The following PGCKA1 variants were observed in gnomAD, a reference collection of about 807,000 sequenced individuals.
PGCKA1 encodes PDCD10 and GCKIII kinases associated 1, also known as PDCD10 and GCKIII kinases-associated protein 1.
At chr4:37,453,287 A>G in the PGCKA1 span, among the ~76,000 whole-genome samples, 3 of 152,058 alleles carry the variant, frequency 2.0e-5, no homozygotes, top group African/African-American at 7.2e-5. Flanking sequence ...ATGCCCTAAG[A>G]CCTCAGGAAA....
chr4:37,577,960 A>C, the PGCKA1 span, among the ~76,000 whole-genome samples: 4 of 152,126 alleles, frequency 2.6e-5, no homozygotes, highest in Non-Finnish European at 5.9e-5. Flanking sequence ...TTGTTTTGTG[A>C]CCTAACATAT....
the PGCKA1 span, among the ~76,000 whole-genome samples, chr4:37,454,359 G>T: frequency 1.3e-5 from 2 of 152,142 alleles, no homozygotes; most frequent in Non-Finnish European, 2.9e-5. Flanking sequence ...AAACATTTTT[G>T]CTTTTAAATC....
At chr4:37,509,226 GGGGCTCCTC>G in the PGCKA1 span, among the ~76,000 whole-genome samples, 1 of 131,864 alleles carries the variant, frequency 7.6e-6, no homozygotes, top group Non-Finnish European at 1.6e-5. Context: ...GCCAGGCAGA[GGGGCTCCTC>G]ACTTCCCAGA....
At chr4:37,501,948 G>T in the PGCKA1 span, among the ~76,000 whole-genome samples, 1 of 152,140 alleles carries the variant, frequency 6.6e-6, no homozygotes, top group Admixed American at 6.5e-5. Context: ...TGTGGTATAA[G>T]GTAGGTTTAG....
At chr4:37,544,176 T>C in the PGCKA1 span, among the ~76,000 whole-genome samples, 1 of 152,196 alleles carries the variant, frequency 6.6e-6, no homozygotes. Context: ...TATTTGTGTG[T>C]ATATATGTTT....
At chr4:37,579,514 A>G in the PGCKA1 span, among the ~76,000 whole-genome samples, 1 of 152,218 alleles carries the variant, frequency 6.6e-6, no homozygotes, top group Non-Finnish European at 1.5e-5. Flanking sequence ...TCATGTTTGA[A>G]GACTATTTTT....
At chr4:37,489,469 CTTAA>C in the PGCKA1 span, among the ~76,000 whole-genome samples, 1 of 152,068 alleles carries the variant, frequency 6.6e-6, no homozygotes, top group South Asian at 2.1e-4. Context: ...TGATAGTCTT[CTTAA>C]TTAATTTTTC....
chr4:37,515,026 G>A, the PGCKA1 span, among the ~76,000 whole-genome samples: 1 of 152,290 alleles, frequency 6.6e-6, no homozygotes, highest in East Asian at 1.9e-4. Context: ...TGGACTGAAT[G>A]TTTATGTCTC....
the PGCKA1 span, among the ~76,000 whole-genome samples, chr4:37,586,168 C>T: frequency 6.9e-4 from 105 of 152,132 alleles, no homozygotes; most frequent in African/African-American, 2.4e-3. Context: ...TTATCCCCAT[C>T]TACAGGCCAA....
the PGCKA1 span, among the ~76,000 whole-genome samples, chr4:37,524,357 T>A: frequency 6.6e-6 from 1 of 152,156 alleles, no homozygotes; most frequent in South Asian, 2.1e-4. Flanking sequence ...GATTAGACTG[T>A]GGCCTTAGTC....
chr4:37,590,910 G>A, the PGCKA1 span: 1 of 1,614,244 alleles, frequency 6.2e-7, no homozygotes, highest in Non-Finnish European at 8.5e-7. Flanking sequence ...ATGGGGATGG[G>A]GAGATTGTGG....
chr4:37,529,507 T>C, the PGCKA1 span, among the ~76,000 whole-genome samples: 97 of 152,346 alleles, frequency 6.4e-4, 1 homozygote, highest in African/African-American at 2.2e-3. Context: ...ACTTATCAAT[T>C]AACCCTTGGT....
At chr4:37,454,886 C>T in the PGCKA1 span, among the ~76,000 whole-genome samples, 2 of 152,196 alleles carry the variant, frequency 1.3e-5, no homozygotes, top group African/African-American at 4.8e-5. Context: ...CTTTCCATGG[C>T]AGCATAGATA....
the PGCKA1 span, among the ~76,000 whole-genome samples, chr4:37,552,271 C>T: frequency 6.6e-6 from 1 of 152,196 alleles, no homozygotes; most frequent in African/African-American, 2.4e-5. Flanking sequence ...TATCATGTAT[C>T]CCCTAGATTG....
the PGCKA1 span, among the ~76,000 whole-genome samples, chr4:37,555,238 C>G: frequency 6.6e-6 from 1 of 152,198 alleles, no homozygotes; most frequent in East Asian, 1.9e-4. Flanking sequence ...CCCTTTCATA[C>G]TCTCAGTGCT....
At chr4:37,562,939 CT>C in the PGCKA1 span, among the ~76,000 whole-genome samples, 1 of 152,144 alleles carries the variant, frequency 6.6e-6, no homozygotes, top group Non-Finnish European at 1.5e-5. Flanking sequence ...TGTCTTACCC[CT>C]AGTAGGGGGG....
chr4:37,565,826 A>G, the PGCKA1 span, among the ~76,000 whole-genome samples: 1 of 152,136 alleles, frequency 6.6e-6, no homozygotes, highest in Non-Finnish European at 1.5e-5. Context: ...GGAGATTAAC[A>G]TTTGAGTCAG....
chr4:37,589,139 G>A, the PGCKA1 span, among the ~76,000 whole-genome samples: 1 of 152,160 alleles, frequency 6.6e-6, no homozygotes, highest in Admixed American at 6.6e-5. Context: ...TTCTGAGGCT[G>A]AATTTGGTCT....
chr4:37,522,393 C>G, the PGCKA1 span, among the ~76,000 whole-genome samples: 1 of 152,092 alleles, frequency 6.6e-6, no homozygotes, highest in African/African-American at 2.4e-5. Context: ...GCCAGACTAC[C>G]GCCCATGTTT....
Sources: gnomAD v4.1 joint callset for allele counts (sites outside exome capture counted in the v4.1 genomes callset) on GRCh38, gnomAD v4.1.1 for gene constraint, MANE v1.5 for transcripts, NCBI Gene and HGNC (gene_info 2026-07-23, HGNC 2026-07-21) for gene names.